The following PCLO variants were observed in gnomAD, a reference collection of about 807,000 sequenced individuals.
PCLO encodes piccolo presynaptic cytomatrix protein.
A neutral mutation model predicts 427.5 loss-of-function variants in PCLO; 82 were observed. The ratio of observed to expected loss-of-function variants is 0.19; its 90% confidence interval spans 0.16 to 0.23. PCLO has a LOEUF of 0.23. PCLO is among the 10% of genes least tolerant of loss of function. The probability of loss-of-function intolerance (pLI) is 1.00; values close to 1 mark genes in which losing one functional copy is unlikely to be tolerated. For missense variants in PCLO, 6,239 were observed against 6,115.9 expected, an observed-to-expected ratio of 1.02 and a Z score of -0.67; for synonymous variants, 2,357 against 2,155.4, an observed-to-expected ratio of 1.09 and a Z score of -2.59.
intron 2 of PCLO, among the ~76,000 whole-genome samples, chr7:83,143,444 A>G (rs541660588): frequency 6.6e-6 from 1 of 152,324 alleles, no homozygotes; most frequent in South Asian, 2.1e-4. Context: ...AATTGAATGG[A>G]CATCTCCTCT....
chr7:82,826,999 G>A (rs1791961662), intron 17 of PCLO, among the ~76,000 whole-genome samples: 3 of 152,000 alleles, frequency 2.0e-5, no homozygotes, highest in Non-Finnish European at 2.9e-5. Context: ...TTGCAAAAAT[G>A]TCTAGTATTA....
intron 3 of PCLO, among the ~76,000 whole-genome samples, chr7:82,974,668 T>C (rs886681142): frequency 2.0e-5 from 3 of 152,212 alleles, no homozygotes; most frequent in African/African-American, 7.2e-5. Flanking sequence ...AAATAATCAA[T>C]AGTTTTAAAA....
At chr7:82,868,278 C>A (rs1028221512) in intron 10 of PCLO, 3 of 453,818 alleles carry the variant, frequency 6.6e-6, no homozygotes, top group African/African-American at 2.0e-5. Context: ...TGCTGGAGTG[C>A]GTCCTCTGTC....
chr7:82,967,342 A>T (rs1250799664), intron 3 of PCLO, among the ~76,000 whole-genome samples: 1 of 151,774 alleles, frequency 6.6e-6, no homozygotes, highest in South Asian at 2.1e-4. Flanking sequence ...TGCCCGGCTA[A>T]TTTTTTATTT....
intron 9 of PCLO, chr7:82,880,339 C>A: frequency 5.7e-6 from 2 of 353,348 alleles, no homozygotes; most frequent in South Asian, 4.4e-5. Flanking sequence ...GGTTTTAAGA[C>A]CATTATTTTG....
chr7:82,831,042 A>T (rs1237145162), intron 16 of PCLO, among the ~76,000 whole-genome samples: 1 of 152,136 alleles, frequency 6.6e-6, no homozygotes. Context: ...CATTTTTAAA[A>T]GTAAGCATAT....
chr7:82,885,115 T>A (rs1793599220), intron 9 of PCLO, among the ~76,000 whole-genome samples: 1 of 152,190 alleles, frequency 6.6e-6, no homozygotes, highest in South Asian at 2.1e-4. Context: ...TTCTTATCAA[T>A]AAGATCTGGC....
In PCLO at chr7:83,155,783, T is replaced by A. The variant is rs61741653; in HGVS notation, c.858A>T (p.Ala286=). ...TAACTGATTCTCCCCTTACTATGTC[T>A]GCCTGTTTAGTCTGAGGCCTGGATG... ...RDASRPQTKQ[A]DIVRGESVKP... The change falls in exon 2 of 25, where the codon GCA becomes GCT. Residue 286 remains alanine, a synonymous_variant. Coordinates refer to ENST00000333891, the MANE Select transcript of PCLO (RefSeq NM_033026.6). 2.5e-6 allele frequency: 4 copies of A among 1,613,836 alleles called. No individual in the cohort carries two copies. Among genetic ancestry groups the A allele is most frequent in the Non-Finnish European group, 3.4e-6 (4 of 1,179,862 alleles).
chr7:82,771,356 T>C (rs943223091), intron 22 of PCLO, among the ~76,000 whole-genome samples: 5 of 151,970 alleles, frequency 3.3e-5, no homozygotes, highest in Admixed American at 6.6e-5. Context: ...GGTTCAAATA[T>C]AAATTATTTA....
chr7:83,050,175 C>T (rs1438906774), intron 3 of PCLO, among the ~76,000 whole-genome samples: 1 of 106,004 alleles, frequency 9.4e-6, no homozygotes, highest in African/African-American at 3.7e-5. Flanking sequence ...CTTTGACTGA[C>T]TTATACTTGA....
chr7:82,876,482 A>ACACACG (rs1793374814), intron 10 of PCLO, among the ~76,000 whole-genome samples: 1 of 150,140 alleles, frequency 6.7e-6, no homozygotes. Context: ...ACACACACAC[A>ACACACG]CACACATACA....
rs576824740 is a variant in PCLO at position 82,879,354 on chromosome 7, G to T, written c.13637C>A (p.Thr4546Lys). The T allele has an allele frequency of 2.5e-6, 4 of 1,610,474 alleles. No homozygotes were observed. The African/African-American group carries it at 5.4e-5, about 22-fold the overall frequency. ...KILPGGSAEQ[T>K]GKLMEGMQVL... ...ATTCTTACCTTCCATAAGCTTCCCC[G>T]TCTGTTCCGCACTTCCCCCAGGAAG... The change falls in exon 10 of 25, where the codon ACG (threonine) becomes AAG (lysine). Residue 4546 changes from threonine to lysine, a missense_variant. Thr to Lys is a moderately conservative substitution (Grantham distance 78). This residue lies in a region of PCLO where 877 missense variants were observed against 925.5 expected (regional missense o/e 0.95). Transcript: ENST00000333891.
In PCLO at chr7:82,755,142, T is replaced by G. The variant is rs1223300751; in HGVS notation, c.*3433A>C. On this transcript the variant is annotated 3_prime_UTR_variant, in exon 25 of 25. Coordinates refer to ENST00000333891, the MANE Select transcript of PCLO (RefSeq NM_033026.6). ...ACTATCATTACAGTCATTCCTATAA[T>G]AAGAATCAATATCAGCTGGTTACCA... 6.6e-6 allele frequency: 1 copy of G among 152,134 alleles called. No individual in the cohort carries two copies. The highest frequency in any genetic ancestry group is 1.5e-5 in the Non-Finnish European group (1 of 68,004). 9.4% of individuals were successfully genotyped at this position (152,134 alleles called of 1,614,324 possible). A position where few individuals can be genotyped will look rare whatever the true frequency, so the allele number is the denominator to read the frequency against.
At chr7:82,889,223 CATATGTGACTA>C (rs1793701859) in intron 9 of PCLO, among the ~76,000 whole-genome samples, 1 of 152,100 alleles carries the variant, frequency 6.6e-6, no homozygotes, top group Non-Finnish European at 1.5e-5. Context: ...AAACTTTGAG[CATATGTGACTA>C]ATAAGCTGCT....
chr7:82,948,508 G>A (rs1166063953), intron 6 of PCLO, among the ~76,000 whole-genome samples: 1 of 151,846 alleles, frequency 6.6e-6, no homozygotes, highest in East Asian at 1.9e-4. Context: ...GAAACTTCAG[G>A]GTTCAAAACC....
chr7:83,025,747 G>A (rs1788477112), intron 3 of PCLO, among the ~76,000 whole-genome samples: 1 of 152,168 alleles, frequency 6.6e-6, no homozygotes, highest in Non-Finnish European at 1.5e-5. Context: ...CAGACTAACA[G>A]CGGATCTCTT....
Position 82,822,619 on chromosome 7 carries a change from A to G in PCLO, c.14667T>C (p.His4889=), listed in dbSNP as rs1468618056. The G allele has an allele frequency of 6.2e-7, 1 of 1,613,656 alleles. No individual in the cohort carries two copies. The highest frequency in any genetic ancestry group is 8.5e-7 in the Non-Finnish European group (1 of 1,179,728). ...PGSSKSSSEG[H]LRSHGPSRSQ... ...TGCGAGATGGTCCATGAGAACGGAG[A>G]TGGCCTTCTGATGATGATTTTGAGC... The change falls in exon 20 of 25, where the codon CAT becomes CAC. Residue 4889 remains histidine (H), a synonymous_variant. Coordinates refer to ENST00000333891, the MANE Select transcript of PCLO (RefSeq NM_033026.6).
intron 6 of PCLO, among the ~76,000 whole-genome samples, chr7:82,936,852 A>T (rs1172948835): frequency 6.6e-6 from 1 of 151,786 alleles, no homozygotes; most frequent in Non-Finnish European, 1.5e-5. Flanking sequence ...GCTACAAAGT[A>T]GATGAACATA....
At chr7:82,928,366 G>A (rs1468690817) in intron 6 of PCLO, among the ~76,000 whole-genome samples, 3 of 152,164 alleles carry the variant, frequency 2.0e-5, no homozygotes, top group African/African-American at 7.2e-5. Flanking sequence ...AGGTCAATTT[G>A]TAGATAATCT....
Sources: gnomAD v4.1 joint callset for allele counts (sites outside exome capture counted in the v4.1 genomes callset) on GRCh38, gnomAD v4.1.1 for gene constraint, gnomAD v4.1.1 regional missense constraint, MANE v1.5 for transcripts, NCBI Gene and HGNC (gene_info 2026-07-23, HGNC 2026-07-21) for gene names.